The following FMR1 variants were observed in gnomAD, a reference collection of about 807,000 sequenced individuals.
FMR1 encodes FMRP translational regulator 1.
FMR1 carries 13 observed loss-of-function variants against 50.6 expected under a neutral mutation model. The ratio of observed to expected loss-of-function variants is 0.26; its 90% CI spans 0.17 to 0.41. The LOEUF (loss-of-function observed/expected upper bound fraction) is 0.41, where lower values mean the gene tolerates loss of function less well. Ranked by LOEUF, FMR1 falls within the 10% of genes least tolerant of loss-of-function variation. The pLI is 1.00. For missense variants in FMR1, 316 were observed against 491.3 expected (o/e 0.64, Z 3.37); for synonymous variants, 138 against 164.1 (o/e 0.84, Z 1.22).
At chrX:147,944,219 C>CT in intron 14 of FMR1, 2 of 751,910 alleles carry the variant, frequency 2.7e-6, no homozygotes, top group Non-Finnish European at 1.6e-6. Context: ...CTCCTGTCCT[C>CT]TAAGTCGTTA....
intron 3 of FMR1, among the ~76,000 whole-genome samples, chrX:147,926,573 C>T (rs2043396043): frequency 1.8e-5 from 2 of 110,414 alleles, no homozygotes; most frequent in African/African-American, 3.3e-5. Context: ...CTGCAACCTC[C>T]GCCTCCCGGG....
chrX:147,942,902 G>A (rs1214758941), intron 13 of FMR1, among the ~76,000 whole-genome samples: 1 of 112,061 alleles, frequency 8.9e-6, no homozygotes, highest in Non-Finnish European at 1.9e-5. Context: ...TTACTGCTGA[G>A]TGTTTTTGTT....
rs1557178922 is a variant in FMR1 at position 147,932,614 on chromosome X, A to G, written c.801+19A>G. 1 of 1,193,747 alleles carries G rather than the reference A, an allele frequency of 8.4e-7. No individual in the cohort carries two copies. The highest frequency in any genetic ancestry group is 2.2e-5 in the Admixed American group (1 of 45,718). On this transcript the variant is annotated intron_variant, in intron 8 of 16. Transcript: ENST00000370475. ...TGGAGAGGTAAATATTTTACTGCAT[A>G]GTTTTTTTTTCCCCAAACAAGTATT...
rs1557182859 is a variant in FMR1 at position 147,949,208 on chromosome X, A to G, written c.*364A>G. On this transcript the variant is annotated 3_prime_UTR_variant, in exon 17 of 17. Coordinates refer to ENST00000370475, the MANE Select transcript of FMR1 (RefSeq NM_002024.6). ...CAGTTTTTCTTAATATATAGCATTT[A>G]TGGTAATCATATTAGACTTCTGTTT... 1.2e-5 allele frequency: 4 copies of G among 342,025 alleles called. No homozygotes were observed. Among genetic ancestry groups the G allele is most frequent in the South Asian group, 1.0e-4 (4 of 38,455 alleles). 28.2% of individuals were successfully genotyped at this position (342,025 alleles called of 1,213,427 possible).
In FMR1 at chrX:147,929,938, A is replaced by C; in HGVS notation, c.420-10A>C. ...ATTATTCATCTTAATTTTTTTTTTT[A>C]AATTTCTAGGTGTGCCAAAGAGGCG... On this transcript the variant is annotated splice_polypyrimidine_tract_variant and intron_variant, in intron 5 of 16. Transcript: ENST00000370475. The C allele has an allele frequency of 8.9e-7, 1 of 1,129,107 alleles. No individual in the cohort carries two copies. The highest frequency in any genetic ancestry group is 1.2e-6 in the Non-Finnish European group (1 of 830,430). 93.1% of individuals were successfully genotyped at this position (1,129,107 alleles called of 1,213,427 possible).
At chrX:147,922,929 A>C (rs1204677320) in intron 2 of FMR1, among the ~76,000 whole-genome samples, 1 of 111,597 alleles carries the variant, frequency 9.0e-6, no homozygotes, top group African/African-American at 3.3e-5. Context: ...ATTATTGCAC[A>C]TAACTGTAAA....
At chrX:147,946,709 G>A (rs1467210572) in intron 16 of FMR1, among the ~76,000 whole-genome samples, 1 of 112,227 alleles carries the variant, frequency 8.9e-6, no homozygotes, top group East Asian at 2.8e-4. Flanking sequence ...CTATGTTGTC[G>A]TCTACTTTTT....
rs1557183341 is a variant in FMR1, at chrX:147,950,258, A to G, written c.*1414A>G. The G allele has an allele frequency of 3.0e-6, 1 of 329,577 alleles. No individual in the cohort carries two copies. The highest frequency in any genetic ancestry group is 5.9e-6 in the Non-Finnish European group (1 of 169,869). 27.2% of individuals were successfully genotyped at this position (329,577 alleles called of 1,213,427 possible). The stretch of plus-strand genomic sequence containing the variant: ...TGTGAGTTTGTTTCTTTGAATTTTC[A>G]TTTTACAGTTACTTTTCCTTGCATA... On this transcript the variant is annotated 3_prime_UTR_variant, in exon 17 of 17. Coordinates refer to ENST00000370475, the MANE Select transcript of FMR1 (RefSeq NM_002024.6).
chrX:147,942,256 G>A (rs1460708163), intron 13 of FMR1, among the ~76,000 whole-genome samples: 3 of 111,868 alleles, frequency 2.7e-5, no homozygotes, highest in Non-Finnish European at 3.8e-5. Context: ...TCACTGAGAC[G>A]CCTACTACTA....
At chrX:147,940,459 A>G in intron 12 of FMR1, 117 bp from the exon 13 acceptor site, 6 of 556,940 alleles carry the variant, frequency 1.1e-5, no homozygotes, top group Non-Finnish European at 2.0e-5. Flanking sequence ...ATTTACAGCA[A>G]ACATTTGTAT....
At position 147,948,781 on chromosome X, in the gene FMR1, C is replaced by T. The variant is rs781797563; in HGVS notation, c.1836C>T (p.Asn612=). ...GSRLRTGKDR[N]QKKEKPDSVD... is the part of the protein sequence containing the mutation. ...GGCTGCGCACGGGTAAAGATCGTAA[C>T]CAGAAGAAAGAGAAGCCAGACAGCG... Residue 612 remains asparagine, a synonymous_variant, in exon 17 of 17, where the codon AAC becomes AAT. Transcript: ENST00000370475. The T allele has an allele frequency of 8.3e-7, 1 of 1,211,272 alleles. No individual in the cohort carries two copies.
intron 14 of FMR1, 122 bp from the exon 15 acceptor site, chrX:147,944,747 G>A (rs1446906188): frequency 9.1e-7 from 1 of 1,094,689 alleles, no homozygotes; most frequent in Non-Finnish European, 1.2e-6. Context: ...AATACTCTTT[G>A]TGGGCTTATA....
intron 2 of FMR1, among the ~76,000 whole-genome samples, chrX:147,925,207 G>A (rs79298659): frequency 0.019 from 2,130 of 112,065 alleles, 25 homozygotes; most frequent in Non-Finnish European, 0.028. Context: ...TTCAAATATT[G>A]AAGGAAATTT....
intron 1 of FMR1, chrX:147,913,017 T>TA (rs782431519): frequency 4.1e-6 from 1 of 245,251 alleles, no homozygotes; most frequent in Non-Finnish European, 7.2e-6. Context: ...CGCTGCTACT[T>TA]AAAAATTGTG....
intron 1 of FMR1, among the ~76,000 whole-genome samples, chrX:147,921,205 A>G (rs1284420317): frequency 8.9e-6 from 1 of 111,924 alleles, no homozygotes; most frequent in African/African-American, 3.2e-5. Flanking sequence ...TTCTGTACCT[A>G]TTAAAAGGTT....
At chrX:147,924,272 C>T (rs2043300684) in intron 2 of FMR1, among the ~76,000 whole-genome samples, 1 of 110,679 alleles carries the variant, frequency 9.0e-6, no homozygotes, top group Non-Finnish European at 1.9e-5. Context: ...GCTTATATAA[C>T]AGCTCTTCTT....
At chrX:147,912,592 C>G (rs2042638622) in intron 1 of FMR1, 1 of 303,819 alleles carries the variant, frequency 3.3e-6, no homozygotes, top group East Asian at 4.7e-5. Context: ...TCCCCCTTTC[C>G]TAAACATCAT....
At chrX:147,917,076 A>G (rs782764826) in intron 1 of FMR1, among the ~76,000 whole-genome samples, 12 of 112,236 alleles carry the variant, frequency 1.1e-4, no homozygotes, top group Non-Finnish European at 2.1e-4. Context: ...AGTTTTTCCT[A>G]ACGAGAATTA....
At chrX:147,937,417 C>T (rs782005008) in intron 10 of FMR1, 49 bp from the exon 11 acceptor site, 8 of 852,692 alleles carry the variant, frequency 9.4e-6, no homozygotes, top group Non-Finnish European at 1.2e-5. Context: ...TAAATAAAGT[C>T]TTAAATTGGT....
Sources: gnomAD v4.1 joint callset for allele counts (sites outside exome capture counted in the v4.1 genomes callset) on GRCh38, gnomAD v4.1.1 for gene constraint, MANE v1.5 for transcripts, NCBI Gene and HGNC (gene_info 2026-07-23, HGNC 2026-07-21) for gene names.